Variants in DMD observed in about 807,000 individuals in gnomAD.
The protein encoded by DMD is mutant dystrophin.
DMD carries 63 observed loss-of-function variants against 330.1 expected under a neutral mutation model. The ratio of observed to expected loss-of-function variants is 0.19; its 90% confidence interval spans 0.16 to 0.24. DMD has a LOEUF of 0.24. Among genes scored for constraint, DMD ranks in the 10% least tolerant of loss-of-function variants. The probability of loss-of-function intolerance (pLI) is 1.00; values close to 1 mark genes in which losing one functional copy is unlikely to be tolerated. For synonymous variants in DMD, 1,223 were observed against 959.8 expected, an observed-to-expected ratio of 1.27 and a Z score of -5.07; for missense variants, 3,344 against 2,684.1, an observed-to-expected ratio of 1.25 and a Z score of -5.43.
At chrX:33,115,478 A>C (rs1035577986) in intron 1 of DMD, among the ~76,000 whole-genome samples, 1 of 110,636 alleles carries the variant, frequency 9.0e-6, no homozygotes, top group African/African-American at 3.3e-5. Flanking sequence ...AACTACTGAT[A>C]AATATGATAA....
chrX:31,883,270 G>A (rs900177036), intron 47 of DMD, among the ~76,000 whole-genome samples: 1 of 111,642 alleles, frequency 9.0e-6, no homozygotes, highest in African/African-American at 3.3e-5. Context: ...ACTAATCTAG[G>A]TGTTAGAAGT....
At chrX:32,140,131 G>A (rs1168902562) in intron 44 of DMD, among the ~76,000 whole-genome samples, 1 of 111,936 alleles carries the variant, frequency 8.9e-6, no homozygotes, top group African/African-American at 3.2e-5. Context: ...AGCTATGACA[G>A]AATTTAAAAC....
intron 17 of DMD, among the ~76,000 whole-genome samples, chrX:32,526,791 G>A (rs1226349327): frequency 1.8e-5 from 2 of 112,379 alleles, no homozygotes; most frequent in African/African-American, 6.5e-5. Flanking sequence ...AACATTACAT[G>A]AATTAGTGCT....
chrX:32,642,309 C>T (rs983023300), intron 11 of DMD, among the ~76,000 whole-genome samples: 1 of 112,395 alleles, frequency 8.9e-6, no homozygotes, highest in African/African-American at 3.2e-5. Flanking sequence ...ATTTTAAAAA[C>T]TCTGTGAGAT....
In DMD at chrX:32,782,326, T is replaced by C. The variant is rs72626050; in HGVS notation, c.649+27167A>G. Among the ~76,000 whole-genome samples, 6 of 111,588 alleles carry C rather than the reference T, an allele frequency of 5.4e-5. No individual in the cohort carries two copies. In the East Asian group the frequency reaches 1.4e-3, roughly 26 times the overall value. ...CAAAAAACTAAGAATAGTTTCAATA[T>C]GTATGCAGTAACAGAGACACATGCT... On this transcript the variant is annotated intron_variant, in intron 7 of 78. Coordinates refer to ENST00000357033, the MANE Select transcript of DMD (RefSeq NM_004006.3).
intron 55 of DMD, among the ~76,000 whole-genome samples, chrX:31,620,061 C>T (rs1817385160): frequency 8.9e-6 from 1 of 111,792 alleles, no homozygotes; most frequent in Non-Finnish European, 1.9e-5. Flanking sequence ...CGGATTTTCT[C>T]TGAGATCTAC....
At chrX:32,636,044 A>G (rs5972630) in intron 11 of DMD, among the ~76,000 whole-genome samples, 14,469 of 111,705 alleles carry the variant, frequency 0.13, 2,305 homozygotes, top group African/African-American at 0.45. Flanking sequence ...CTGACACTGC[A>G]TGGTGTCACG....
chrX:31,505,504 C>G (rs1170762143), intron 56 of DMD, among the ~76,000 whole-genome samples: 1 of 112,225 alleles, frequency 8.9e-6, no homozygotes, highest in South Asian at 3.7e-4. Context: ...AATCTACTCT[C>G]TATTTCATCC....
chrX:32,026,739 G>A (rs1223903549), intron 44 of DMD, among the ~76,000 whole-genome samples: 1 of 111,797 alleles, frequency 8.9e-6, no homozygotes, highest in East Asian at 2.8e-4. Context: ...CTATAACAAA[G>A]AGATCCCACA....
At chrX:32,656,595 T>C (rs2147023531) in intron 9 of DMD, among the ~76,000 whole-genome samples, 2 of 112,056 alleles carry the variant, frequency 1.8e-5, no homozygotes, top group East Asian at 5.6e-4. Flanking sequence ...CTTTCTACTA[T>C]AAAATCAGAT....
chrX:31,160,038 G>T (rs1179136532), intron 74 of DMD, among the ~76,000 whole-genome samples: 1 of 112,137 alleles, frequency 8.9e-6, no homozygotes, highest in Admixed American at 9.4e-5. Flanking sequence ...GCAACAACTG[G>T]CCTTTGCATC....
intron 55 of DMD, among the ~76,000 whole-genome samples, chrX:31,530,647 C>CTTTTTTT (rs1192286078): frequency 6.0e-5 from 3 of 49,832 alleles, no homozygotes; most frequent in Admixed American, 2.6e-4. Flanking sequence ...ACTGGTTTCT[C>CTTTTTTT]TTTTTTTTTT....
At chrX:32,247,694 C>G (rs1160394250) in intron 43 of DMD, among the ~76,000 whole-genome samples, 1 of 111,696 alleles carries the variant, frequency 9.0e-6, no homozygotes, top group Non-Finnish European at 1.9e-5. Context: ...CTGTGTTAGA[C>G]AGTCCTGCTT....
At chrX:33,040,252 C>T (rs2094276842) in intron 1 of DMD, among the ~76,000 whole-genome samples, 1 of 110,929 alleles carries the variant, frequency 9.0e-6, no homozygotes, top group African/African-American at 3.3e-5. Context: ...TTTCCAGACC[C>T]TCCTCTTCTA....
chrX:32,368,909 T>C (rs1457488938), intron 34 of DMD, among the ~76,000 whole-genome samples: 1 of 111,237 alleles, frequency 9.0e-6, no homozygotes, highest in South Asian at 3.7e-4. Context: ...CATGTAGTAA[T>C]GTGATTGCTG....
At chrX:32,532,279 T>A (rs904851779) in intron 17 of DMD, among the ~76,000 whole-genome samples, 1 of 112,168 alleles carries the variant, frequency 8.9e-6, no homozygotes, top group Non-Finnish European at 1.9e-5. Context: ...CTAGAGTCAA[T>A]GATACTTCAG....
intron 11 of DMD, among the ~76,000 whole-genome samples, chrX:32,626,093 G>T (rs1247109989): frequency 8.9e-6 from 1 of 112,379 alleles, no homozygotes; most frequent in Non-Finnish European, 1.9e-5. Flanking sequence ...AATTTTTAAT[G>T]CATGTTTTTA....
chrX:32,633,964 T>A (rs2058916259), intron 11 of DMD, among the ~76,000 whole-genome samples: 1 of 111,610 alleles, frequency 9.0e-6, no homozygotes, highest in Non-Finnish European at 1.9e-5. Context: ...TTACTACAAT[T>A]CAACGTGAGA....
At chrX:32,707,145 T>A (rs2064750789) in intron 7 of DMD, among the ~76,000 whole-genome samples, 1 of 111,363 alleles carries the variant, frequency 9.0e-6, no homozygotes, top group African/African-American at 3.3e-5. Flanking sequence ...AAAAATATAC[T>A]CCACAAACGT....
Sources: gnomAD v4.1 joint callset for allele counts (sites outside exome capture counted in the v4.1 genomes callset) on GRCh38, gnomAD v4.1.1 for gene constraint, MANE v1.5 for transcripts, NCBI Gene and HGNC (gene_info 2026-07-23, HGNC 2026-07-21) for gene names.